SPPL3: variants seen among roughly 807,000 people sequenced by gnomAD.
The protein encoded by SPPL3 is signal peptide peptidase like 3, also known as signal peptide peptidase-like 3.
Under a neutral mutation model 42.4 loss-of-function variants are expected in SPPL3, and 5 were observed. The observed-to-expected ratio is 0.12, with a 90% CI of 0.06 to 0.25. SPPL3 has a LOEUF of 0.25. Among genes scored for constraint, SPPL3 ranks in the 10% least tolerant of loss-of-function variants. The pLI is 1.00. For synonymous variants in SPPL3, 195 were observed against 181.8 expected, an observed-to-expected ratio of 1.07 and a Z score of -0.58; for missense variants, 235 against 489.0, an observed-to-expected ratio of 0.48 and a Z score of 4.90.
rs1304223434 is a variant in SPPL3 at position 120,768,944 on chromosome 12, A to C, written c.609+9T>G. On this transcript the variant is annotated intron_variant, in intron 7 of 10. Transcript: ENST00000353487. ...GAAGGGGAGGAGCTCCAAGGACATA[A>C]ACGCTTACCCAAAAGACATCATAGA... 1 of 1,600,414 alleles carries C rather than the reference A, an allele frequency of 6.2e-7. No individual in the cohort carries two copies. The highest frequency in any genetic ancestry group is 8.5e-7 in the Non-Finnish European group (1 of 1,173,854).
At chr12:120,853,994 A>ACACG in intron 1 of SPPL3, among the ~76,000 whole-genome samples, 1 of 135,428 alleles carries the variant, frequency 7.4e-6, no homozygotes, top group East Asian at 2.0e-4. Context: ...ACACACACAC[A>ACACG]CACACACACA....
At position 120,764,945 on chromosome 12, in the gene SPPL3, T is replaced by C; in HGVS notation, c.*54A>G. 6.3e-7 allele frequency: 1 copy of C among 1,579,016 alleles called. No homozygotes were observed. Among genetic ancestry groups the C allele is most frequent in the Non-Finnish European group, 8.7e-7 (1 of 1,153,588 alleles). Reference sequence around the variant, plus strand: ...GCCAGCTCTAAGAGGAAACAAACCATGAGTTGAGAGAAAAGGACTATGACG... The same window carrying C: ...GCCAGCTCTAAGAGGAAACAAACCACGAGTTGAGAGAAAAGGACTATGACG... On this transcript the variant is annotated 3_prime_UTR_variant, in exon 11 of 11. Transcript: ENST00000353487.
intron 1 of SPPL3, among the ~76,000 whole-genome samples, chr12:120,867,590 G>T (rs538142906): frequency 1.3e-5 from 2 of 151,704 alleles, no homozygotes; most frequent in Non-Finnish European, 2.9e-5. Flanking sequence ...GCTTGAACCC[G>T]GGAGGCGGAG....
rs144402463 is a variant in SPPL3 at position 120,900,121 on chromosome 12, A to G, written c.23+3724T>C. Among the ~76,000 whole-genome samples the G allele has an allele frequency of 1.4e-4, 22 of 152,238 alleles. 1 individual carries two copies. The highest frequency in any genetic ancestry group is 5.2e-4 in the Admixed American group (8 of 15,288). ...AATAATAAACCTCCATGTACTCATC[A>G]CCCAGCTCCAGTAATGATCAACTCA... On this transcript the variant is annotated intron_variant, in intron 1 of 10. Coordinates refer to ENST00000353487, the MANE Select transcript of SPPL3 (RefSeq NM_139015.5).
intron 2 of SPPL3, among the ~76,000 whole-genome samples, chr12:120,801,203 A>G (rs1870282170): frequency 6.6e-6 from 1 of 152,246 alleles, no homozygotes; most frequent in Non-Finnish European, 1.5e-5. Context: ...TTAGAAGGTC[A>G]GAAAGAAACA....
chr12:120,879,007 G>C (rs545983634), intron 1 of SPPL3, among the ~76,000 whole-genome samples: 17 of 151,454 alleles, frequency 1.1e-4, no homozygotes, highest in Admixed American at 9.2e-4. Flanking sequence ...CAGCTACTTG[G>C]GAGGTTGAGG....
chr12:120,887,795 A>G (rs533291521), intron 1 of SPPL3, among the ~76,000 whole-genome samples: 1 of 152,326 alleles, frequency 6.6e-6, no homozygotes, highest in Non-Finnish European at 1.5e-5. Flanking sequence ...AACACTACAC[A>G]AATAAAACCA....
intron 1 of SPPL3, among the ~76,000 whole-genome samples, chr12:120,897,813 A>G (rs892393092): frequency 6.6e-6 from 1 of 152,212 alleles, no homozygotes; most frequent in Non-Finnish European, 1.5e-5. Flanking sequence ...AACTTCCATC[A>G]GCTACAATTG....
intron 1 of SPPL3, among the ~76,000 whole-genome samples, chr12:120,881,286 T>C (rs1873271682): frequency 6.6e-6 from 1 of 151,320 alleles, no homozygotes. Context: ...CTAACCAACA[T>C]GGTGAAACCC....
chr12:120,841,327 GA>G (rs937741008), intron 1 of SPPL3, among the ~76,000 whole-genome samples: 8 of 149,594 alleles, frequency 5.3e-5, no homozygotes, highest in Admixed American at 1.3e-4. Flanking sequence ...CTCCATCTCA[GA>G]AAAAAAAAGA....
At chr12:120,797,230 G>C (rs1425503030) in intron 2 of SPPL3, among the ~76,000 whole-genome samples, 1 of 151,958 alleles carries the variant, frequency 6.6e-6, no homozygotes, top group Non-Finnish European at 1.5e-5. Flanking sequence ...ATTCTGTGTA[G>C]ATCTCTGGGT....
At chr12:120,812,237 C>A (rs1264342375) in intron 1 of SPPL3, among the ~76,000 whole-genome samples, 1 of 151,670 alleles carries the variant, frequency 6.6e-6, no homozygotes, top group African/African-American at 2.4e-5. Context: ...TGGGTTCAAG[C>A]GATTCTCTTG....
chr12:120,894,593 G>A (rs1031971350), intron 1 of SPPL3, among the ~76,000 whole-genome samples: 2 of 152,186 alleles, frequency 1.3e-5, no homozygotes, highest in South Asian at 2.1e-4. Context: ...GCCCAAGCCT[G>A]AGGCCTCAGA....
chr12:120,848,239 T>A (rs1412588667), intron 1 of SPPL3, among the ~76,000 whole-genome samples: 2 of 152,206 alleles, frequency 1.3e-5, no homozygotes, highest in African/African-American at 4.8e-5. Flanking sequence ...AAGTTGTATT[T>A]GCAGTGTTGT....
chr12:120,816,935 C>T (rs1870899642), intron 1 of SPPL3, among the ~76,000 whole-genome samples: 1 of 152,020 alleles, frequency 6.6e-6, no homozygotes, highest in African/African-American at 2.4e-5. Flanking sequence ...TTTCTATTAC[C>T]TATAAAATCC....
intron 1 of SPPL3, among the ~76,000 whole-genome samples, chr12:120,867,967 G>A (rs1171537835): frequency 6.6e-6 from 1 of 151,950 alleles, no homozygotes; most frequent in Non-Finnish European, 1.5e-5. Flanking sequence ...GGCTGGTCTC[G>A]AACTCCTAAC....
chr12:120,864,611 C>G (rs1167479981), intron 1 of SPPL3, among the ~76,000 whole-genome samples: 3 of 152,144 alleles, frequency 2.0e-5, no homozygotes, highest in Non-Finnish European at 4.4e-5. Context: ...ATTATCAGTC[C>G]TTTCATTTTT....
intron 1 of SPPL3, among the ~76,000 whole-genome samples, chr12:120,902,234 C>T (rs1874004709): frequency 6.6e-6 from 1 of 151,590 alleles, no homozygotes; most frequent in Non-Finnish European, 1.5e-5. Flanking sequence ...GTTACTTTGT[C>T]TCTCAGTTAC....
chr12:120,897,350 G>A (rs140628214), intron 1 of SPPL3, among the ~76,000 whole-genome samples: 93 of 152,210 alleles, frequency 6.1e-4, no homozygotes, highest in African/African-American at 2.2e-3. Context: ...GGTTAACTTT[G>A]GCTAATTTTA....
Sources: gnomAD v4.1 joint callset for allele counts (sites outside exome capture counted in the v4.1 genomes callset) on GRCh38, gnomAD v4.1.1 for gene constraint, MANE v1.5 for transcripts, NCBI Gene and HGNC (gene_info 2026-07-23, HGNC 2026-07-21) for gene names.